The following CDH9 variants were observed in gnomAD, a reference collection of about 807,000 sequenced individuals.
CDH9 encodes cadherin 9.
A neutral mutation model predicts 70.9 loss-of-function variants in CDH9; 28 were observed. That is an observed-to-expected ratio of 0.40 (90% CI 0.29 to 0.54). The LOEUF is 0.54. CDH9 is among the 20% of genes least tolerant of loss of function. The probability of loss-of-function intolerance (pLI) is 0.59; values close to 1 mark genes in which losing one functional copy is unlikely to be tolerated. For synonymous variants in CDH9, 409 were observed against 343.1 expected, an observed-to-expected ratio of 1.19 and a Z score of -2.12; for missense variants, 874 against 984.4, an observed-to-expected ratio of 0.89 and a Z score of 1.50.
At chr5:26,983,514 C>T (rs1742436569) in intron 2 of CDH9, among the ~76,000 whole-genome samples, 1 of 152,138 alleles carries the variant, frequency 6.6e-6, no homozygotes, top group Non-Finnish European at 1.5e-5. Context: ...GAGCTATATG[C>T]TAACAGTGAG....
At chr5:27,003,395 GATGC>G (rs1554003610) in intron 1 of CDH9, among the ~76,000 whole-genome samples, 2 of 152,066 alleles carry the variant, frequency 1.3e-5, no homozygotes, top group Non-Finnish European at 2.9e-5. Flanking sequence ...CTAAGTGTAG[GATGC>G]ACAGAGTAAT....
intron 7 of CDH9, among the ~76,000 whole-genome samples, chr5:26,900,463 A>G (rs149929372): frequency 1.4e-4 from 22 of 152,208 alleles, no homozygotes; most frequent in Middle Eastern, 3.4e-3. Flanking sequence ...CAAAATAAAT[A>G]GCCTTGGTGA....
At chr5:26,892,780 C>G (rs1740682485) in intron 7 of CDH9, among the ~76,000 whole-genome samples, 1 of 152,046 alleles carries the variant, frequency 6.6e-6, no homozygotes, top group African/African-American at 2.4e-5. Flanking sequence ...GCCCAGGCTG[C>G]AGTGCAGTGG....
At chr5:26,904,070 T>A (rs1740904217) in intron 5 of CDH9, among the ~76,000 whole-genome samples, 1 of 151,924 alleles carries the variant, frequency 6.6e-6, no homozygotes, top group East Asian at 1.9e-4. Flanking sequence ...CAAATTTATT[T>A]AGACTATAGA....
In CDH9 at chr5:26,889,976, T is replaced by C; in HGVS notation, c.1391-19A>G. 4 of 1,607,770 alleles carry C rather than the reference T, an allele frequency of 2.5e-6. No homozygotes were observed. Among genetic ancestry groups the C allele is most frequent in the Non-Finnish European group, 3.4e-6 (4 of 1,176,982 alleles). ...GGGTTATCTGCAACGAGAACACGTG[T>C]AAGATTTCAGTCTCATTTACACAGA... On this transcript the variant is annotated intron_variant, in intron 8 of 11. Coordinates refer to ENST00000231021, the MANE Select transcript of CDH9 (RefSeq NM_016279.4).
At chr5:26,954,890 A>G (rs1012991474) in intron 2 of CDH9, among the ~76,000 whole-genome samples, 2 of 152,166 alleles carry the variant, frequency 1.3e-5, no homozygotes, top group African/African-American at 4.8e-5. Flanking sequence ...ATAGTGGGCC[A>G]GGTGTGGTGG....
At chr5:26,883,026 A>G (rs1212798873) in intron 11 of CDH9, among the ~76,000 whole-genome samples, 1 of 128,620 alleles carries the variant, frequency 7.8e-6, no homozygotes, top group East Asian at 2.3e-4. Context: ...AAGCTGAGCT[A>G]TATTCAGGAT....
chr5:26,892,368 C>T (rs1175074657), intron 7 of CDH9, among the ~76,000 whole-genome samples: 2 of 152,062 alleles, frequency 1.3e-5, no homozygotes, highest in Admixed American at 6.6e-5. Context: ...GGGGTGGGAG[C>T]TGAGATTGTG....
rs541265211 is a variant in CDH9, at chr5:26,982,479, G to A, written c.228+5627C>T. Among the ~76,000 whole-genome samples the A allele has an allele frequency of 2.0e-3, 303 of 152,092 alleles. 1 individual carries two copies. Among genetic ancestry groups the A allele is most frequent in the Admixed American group, 5.2e-3 (79 of 15,252 alleles). On this transcript the variant is annotated intron_variant, in intron 2 of 11. Coordinates refer to ENST00000231021, the MANE Select transcript of CDH9 (RefSeq NM_016279.4). ...CTCTGCTTTTTCTATTTTTCATAAT[G>A]TCAATTTCTCAGGATTCAGATTAAT...
chr5:26,928,254 C>T (rs1741380098), intron 2 of CDH9, among the ~76,000 whole-genome samples: 1 of 151,862 alleles, frequency 6.6e-6, no homozygotes, highest in Admixed American at 6.6e-5. Context: ...ACAATAGCTA[C>T]AAGTACTATA....
chr5:26,985,541 C>A (rs1359024821), intron 2 of CDH9, among the ~76,000 whole-genome samples: 1 of 152,122 alleles, frequency 6.6e-6, no homozygotes, highest in Non-Finnish European at 1.5e-5. Context: ...ATCAAACCCT[C>A]GTTTTAACCT....
chr5:26,981,092 A>G (rs1742391967), intron 2 of CDH9, among the ~76,000 whole-genome samples: 1 of 152,098 alleles, frequency 6.6e-6, no homozygotes, highest in Non-Finnish European at 1.5e-5. Context: ...AATTTTTGAA[A>G]TGCCATTGGC....
chr5:26,884,860 G>A (rs779181445), intron 11 of CDH9, among the ~76,000 whole-genome samples: 5 of 152,080 alleles, frequency 3.3e-5, no homozygotes, highest in South Asian at 2.1e-4. Context: ...GAATTAAATC[G>A]TTGTCCTGTT....
intron 2 of CDH9, among the ~76,000 whole-genome samples, chr5:26,968,437 C>A (rs1332119466): frequency 6.6e-6 from 1 of 152,010 alleles, no homozygotes; most frequent in Non-Finnish European, 1.5e-5. Context: ...AGGAGCGCAT[C>A]ACCACACCCA....
At chr5:27,025,628 A>C (rs1378601628) in intron 1 of CDH9, among the ~76,000 whole-genome samples, 6 of 152,076 alleles carry the variant, frequency 3.9e-5, no homozygotes, top group Non-Finnish European at 8.8e-5. Context: ...AAGAAATGCC[A>C]TTGTGTAATT....
intron 7 of CDH9, among the ~76,000 whole-genome samples, chr5:26,898,320 C>T (rs1022528582): frequency 2.6e-5 from 4 of 152,052 alleles, no homozygotes; most frequent in Admixed American, 6.6e-5. Context: ...TTAGAAAAAA[C>T]TAGTTTAAAT....
rs765661776 is a variant in CDH9 at position 26,903,633 on chromosome 5, A to G, written c.999+4T>C. 18 of 1,584,176 alleles carry G rather than the reference A, an allele frequency of 1.1e-5. No homozygotes were observed. In the Admixed American group the frequency reaches 3.0e-4, roughly 26 times the overall value. On this transcript the variant is annotated splice_donor_region_variant and intron_variant, in intron 6 of 11. Transcript: ENST00000231021. ...ATGAAAAGATGAAGACAGTGAAAAG[A>G]AACCTGTTTGACAGTTATAATCCCT...
intron 7 of CDH9, among the ~76,000 whole-genome samples, chr5:26,894,052 C>T (rs1431937441): frequency 6.6e-6 from 1 of 152,046 alleles, no homozygotes; most frequent in African/African-American, 2.4e-5. Flanking sequence ...TGAATAAAAA[C>T]AAACCTAAAA....
chr5:26,881,981 A>G (rs1450193483), intron 11 of CDH9, among the ~76,000 whole-genome samples: 1 of 152,100 alleles, frequency 6.6e-6, no homozygotes, highest in Non-Finnish European at 1.5e-5. Flanking sequence ...ACTCATGGTG[A>G]TATTGATCAT....
Sources: gnomAD v4.1 joint callset for allele counts (sites outside exome capture counted in the v4.1 genomes callset) on GRCh38, gnomAD v4.1.1 for gene constraint, MANE v1.5 for transcripts, NCBI Gene and HGNC (gene_info 2026-07-23, HGNC 2026-07-21) for gene names.